ARHGEF28: variants seen among roughly 807,000 people sequenced by gnomAD.
ARHGEF28 encodes Rho guanine nucleotide exchange factor 28.
ARHGEF28 carries 152 observed loss-of-function variants against 206.6 expected under a neutral mutation model. The observed-to-expected ratio is 0.74, with a 90% CI of 0.64 to 0.84. The LOEUF is 0.84. Ranked by LOEUF, ARHGEF28 falls within the 40% of genes least tolerant of loss-of-function variation. The pLI, the probability that ARHGEF28 is intolerant of heterozygous loss-of-function variation, is 0.00. For synonymous variants in ARHGEF28, 763 were observed against 776.4 expected, an observed-to-expected ratio of 0.98 and a Z score of 0.29; for missense variants, 2,028 against 2,073.2, an observed-to-expected ratio of 0.98 and a Z score of 0.42.
At chr5:73,705,774 C>T (rs1324228292) in intron 2 of ARHGEF28, among the ~76,000 whole-genome samples, 1 of 152,186 alleles carries the variant, frequency 6.6e-6, no homozygotes, top group African/African-American at 2.4e-5. Flanking sequence ...TTCCTGGACT[C>T]TCCTAGGTGT....
At chr5:73,847,492 G>T (rs1758437590) in intron 12 of ARHGEF28, among the ~76,000 whole-genome samples, 1 of 152,142 alleles carries the variant, frequency 6.6e-6, no homozygotes, top group South Asian at 2.1e-4. Flanking sequence ...CTGCAGAGCT[G>T]CCGTAATCTT....
chr5:73,903,173 C>T (rs1184224963), intron 31 of ARHGEF28: 1 of 152,192 alleles, frequency 6.6e-6, no homozygotes, highest in Non-Finnish European at 1.5e-5. Flanking sequence ...TTGAATTTAA[C>T]AAGTTCAAAA....
chr5:73,869,615 G>A (rs960573995), intron 20 of ARHGEF28, among the ~76,000 whole-genome samples: 29 of 152,242 alleles, frequency 1.9e-4, no homozygotes, highest in African/African-American at 6.5e-4. Context: ...GTTTTAAGAT[G>A]TTTCAGTCTG....
intron 9 of ARHGEF28, among the ~76,000 whole-genome samples, chr5:73,819,746 C>T (rs965605617): frequency 6.6e-6 from 1 of 152,134 alleles, no homozygotes; most frequent in African/African-American, 2.4e-5. Flanking sequence ...TTGTGAGCCA[C>T]CCTCACATGC....
chr5:73,888,806 G>C (rs1761453325), intron 26 of ARHGEF28, among the ~76,000 whole-genome samples: 2 of 152,014 alleles, frequency 1.3e-5, no homozygotes, highest in South Asian at 2.1e-4. Context: ...GCTACCCATA[G>C]ACAACATTTA....
At chr5:73,780,018 TG>T (rs900276260) in intron 6 of ARHGEF28, among the ~76,000 whole-genome samples, 1 of 152,190 alleles carries the variant, frequency 6.6e-6, no homozygotes, top group South Asian at 2.1e-4. Context: ...GAACCTGTGC[TG>T]GGGGTGTCTT....
At chr5:73,866,729 A>G (rs1759729210) in intron 18 of ARHGEF28, among the ~76,000 whole-genome samples, 1 of 152,186 alleles carries the variant, frequency 6.6e-6, no homozygotes, top group South Asian at 2.1e-4. Flanking sequence ...AGTTCTTTAC[A>G]TTGCATACAA....
intron 9 of ARHGEF28, among the ~76,000 whole-genome samples, chr5:73,798,955 C>T (rs547681108): frequency 7.2e-5 from 11 of 152,162 alleles, no homozygotes; most frequent in East Asian, 3.9e-4. Context: ...GGCGTGGTGG[C>T]GCATGCCTGC....
At chr5:73,852,550 G>A (rs1758769798) in intron 13 of ARHGEF28, 100 bp from the exon 14 acceptor site, 6 of 986,332 alleles carry the variant, frequency 6.1e-6, no homozygotes, top group African/African-American at 1.6e-5. Flanking sequence ...AGCTGGTAGT[G>A]TGTATAATGA....
intron 2 of ARHGEF28, among the ~76,000 whole-genome samples, chr5:73,730,422 C>T (rs879749923): frequency 1.9e-4 from 29 of 151,730 alleles, no homozygotes; most frequent in African/African-American, 5.1e-4. Context: ...TGCCTTGCAT[C>T]GGTAGGCACC....
chr5:73,845,160 G>A (rs907280986), intron 11 of ARHGEF28, among the ~76,000 whole-genome samples: 4 of 151,824 alleles, frequency 2.6e-5, no homozygotes, highest in African/African-American at 9.7e-5. Flanking sequence ...TGGGATTACA[G>A]GTGCCTGCCA....
intron 4 of ARHGEF28, among the ~76,000 whole-genome samples, chr5:73,758,683 G>A (rs1214071425): frequency 6.6e-6 from 1 of 152,104 alleles, no homozygotes; most frequent in East Asian, 1.9e-4. Context: ...AGCCTCCTGA[G>A]TAGCTGGGAT....
intron 33 of ARHGEF28, chr5:73,905,243 T>C (rs1220265336): frequency 6.6e-6 from 1 of 151,882 alleles, no homozygotes; most frequent in Non-Finnish European, 1.5e-5. Flanking sequence ...AATCTAATGC[T>C]TGATGATCTG....
At chr5:73,744,464 A>G (rs1561373397) in intron 2 of ARHGEF28, among the ~76,000 whole-genome samples, 1 of 151,984 alleles carries the variant, frequency 6.6e-6, no homozygotes, top group Non-Finnish European at 1.5e-5. Flanking sequence ...ATAACCATGC[A>G]TGCTTTTTTT....
At chr5:73,710,044 T>A (rs1749152672) in intron 2 of ARHGEF28, among the ~76,000 whole-genome samples, 1 of 152,224 alleles carries the variant, frequency 6.6e-6, no homozygotes. Flanking sequence ...GGTTTTTGTG[T>A]GAACATAGGT....
rs1752142954 is a variant in ARHGEF28, at chr5:73,753,551, T to C, written c.475+349T>C. On this transcript the variant is annotated intron_variant, in intron 4 of 35. Coordinates refer to ENST00000513042, the MANE Select transcript of ARHGEF28 (RefSeq NM_001177693.2). Reference sequence around the variant, plus strand: ...CATTGCTGCCCCATTTCCAAATAGGTAGGCTCACTGGACAAGAAAGATCAT... The same window carrying C: ...CATTGCTGCCCCATTTCCAAATAGGCAGGCTCACTGGACAAGAAAGATCAT... Among the ~76,000 whole-genome samples the C allele has an allele frequency of 2.0e-5, 3 of 152,200 alleles. 1 individual carries two copies. The South Asian group carries it at 6.2e-4, about 32-fold the overall frequency.
intron 1 of ARHGEF28, among the ~76,000 whole-genome samples, chr5:73,658,411 C>T (rs1435540090): frequency 6.6e-6 from 1 of 152,142 alleles, no homozygotes; most frequent in Non-Finnish European, 1.5e-5. Context: ...GATTTGAACA[C>T]ACCAGAGAAG....
chr5:73,871,733 A>T (rs892636144), intron 21 of ARHGEF28, among the ~76,000 whole-genome samples: 2 of 152,268 alleles, frequency 1.3e-5, no homozygotes, highest in South Asian at 4.1e-4. Context: ...TCACTTCAAA[A>T]ATCCTGTACA....
At chr5:73,841,712 G>GAAAAAAAAAAAAAAAAAAAAAAA (rs33935657) in intron 11 of ARHGEF28, among the ~76,000 whole-genome samples, 1 of 110,830 alleles carries the variant, frequency 9.0e-6, no homozygotes, top group East Asian at 2.3e-4. Context: ...TCAAAAAGAA[G>GAAAAAAAAAAAAAAAAAAAAAAA]AAAAAAAAAA....
Sources: allele counts gnomAD v4.1 joint callset (sites outside exome capture counted in the v4.1 genomes callset), GRCh38; gene constraint gnomAD v4.1.1; transcripts MANE v1.5; gene names NCBI Gene and HGNC (gene_info 2026-07-23, HGNC 2026-07-21).